Variants in SHE observed in about 807,000 individuals in gnomAD.
SHE encodes the protein SH2 domain-containing adapter protein E.
In SHE, 11 loss-of-function variants were observed where a neutral mutation model predicts 49.8. The ratio of observed to expected loss-of-function variants is 0.22; its 90% CI spans 0.14 to 0.37. The LOEUF is 0.37. Ranked by LOEUF, SHE falls within the 10% of genes least tolerant of loss-of-function variation. The probability of loss-of-function intolerance (pLI) is 1.00; values close to 1 mark genes in which losing one functional copy is unlikely to be tolerated. For missense variants in SHE, 624 were observed against 655.5 expected (o/e 0.95, Z 0.52); for synonymous variants, 310 against 278.1 (o/e 1.11, Z -1.14).
chr1:154,478,700 T>A (rs971987526), downstream of SHE, among the ~76,000 whole-genome samples: 6 of 152,168 alleles, frequency 3.9e-5, no homozygotes, highest in Non-Finnish European at 7.3e-5. Context: ...GAATCCAACA[T>A]TCAACACTCA....
chr1:154,496,501 C>A (rs796100329), intron 2 of SHE, among the ~76,000 whole-genome samples: 10 of 152,284 alleles, frequency 6.6e-5, no homozygotes, highest in African/African-American at 2.4e-4. Context: ...GGAAAGGTGC[C>A]TCACTTACGG....
At chr1:154,477,182 C>T (rs1295223085), downstream of SHE, among the ~76,000 whole-genome samples, 8 of 152,288 alleles carry the variant, frequency 5.3e-5, 1 homozygote, top group Admixed American at 3.9e-4. Flanking sequence ...AGATGGATAC[C>T]GAAAACCCAA....
chr1:154,493,311 A>C (rs1692424141), intron 2 of SHE, among the ~76,000 whole-genome samples: 1 of 152,158 alleles, frequency 6.6e-6, no homozygotes, highest in Non-Finnish European at 1.5e-5. Context: ...CCATTCCAAC[A>C]CCTGGCTGCC....
In SHE at chr1:154,483,381, T is replaced by C; in HGVS notation, c.*768A>G. 1.0e-6 allele frequency: 1 copy of C among 985,396 alleles called. No individual in the cohort carries two copies. The highest frequency in any genetic ancestry group is 1.2e-6 in the Non-Finnish European group (1 of 829,942). The allele number at this position is 985,396 out of a possible 1,614,324, so 61.0% of individuals were successfully genotyped here. A position where few individuals can be genotyped will look rare whatever the true frequency, so the allele number is the denominator to read the frequency against. ...ACCTTCTTGCCCGTCATTCACATTTTCTCCCGCTCATTCATTTCCCCAATA... is the reference window on the plus strand; with the variant it reads ...ACCTTCTTGCCCGTCATTCACATTTCCTCCCGCTCATTCATTTCCCCAATA... On this transcript the variant is annotated 3_prime_UTR_variant, in exon 6 of 6. Coordinates refer to ENST00000304760, the MANE Select transcript of SHE (RefSeq NM_001010846.3).
At chr1:154,478,581 G>C (rs1391968923), downstream of SHE, among the ~76,000 whole-genome samples, 1 of 152,052 alleles carries the variant, frequency 6.6e-6, no homozygotes, top group African/African-American at 2.4e-5. Flanking sequence ...GCTGAGTTGT[G>C]GCAGATTAAA....
In SHE at chr1:154,482,724, G is replaced by T; in HGVS notation, c.*1425C>A. The T allele has an allele frequency of 1.0e-6, 1 of 985,280 alleles. No individual in the cohort carries two copies. The highest frequency in any genetic ancestry group is 1.2e-6 in the Non-Finnish European group (1 of 829,906). The allele number at this position is 985,280 out of a possible 1,614,324, so 61.0% of individuals were successfully genotyped here. A position where few individuals can be genotyped will look rare whatever the true frequency, so the allele number is the denominator to read the frequency against. Reference sequence around the variant, plus strand: ...CACAGTAAATAAACTGGTGATATAAGCTCATGATAAATCATAAAGATCCTA... The same window carrying T: ...CACAGTAAATAAACTGGTGATATAATCTCATGATAAATCATAAAGATCCTA... On this transcript the variant is annotated 3_prime_UTR_variant, in exon 6 of 6. Coordinates refer to ENST00000304760, the MANE Select transcript of SHE (RefSeq NM_001010846.3).
downstream of SHE, among the ~76,000 whole-genome samples, chr1:154,476,254 G>A (rs1691873280): frequency 6.6e-6 from 1 of 152,174 alleles, no homozygotes; most frequent in African/African-American, 2.4e-5. Flanking sequence ...GTTGAGGTGG[G>A]AGAATTGCTT....
At chr1:154,491,712 G>A (rs577195926) in intron 2 of SHE, among the ~76,000 whole-genome samples, 2 of 152,200 alleles carry the variant, frequency 1.3e-5, no homozygotes, top group African/African-American at 4.8e-5. Context: ...AGAGAGGGAG[G>A]GGAGGGAACT....
intron 1 of SHE, among the ~76,000 whole-genome samples, chr1:154,500,232 A>C (rs1383104949): frequency 6.6e-6 from 1 of 152,168 alleles, no homozygotes; most frequent in Non-Finnish European, 1.5e-5. Context: ...ATTTTTCTTG[A>C]CTACCCACCA....
chr1:154,493,850 G>A (rs562830675), intron 2 of SHE, among the ~76,000 whole-genome samples: 63 of 152,018 alleles, frequency 4.1e-4, no homozygotes, highest in African/African-American at 1.5e-3. Flanking sequence ...CCTGCTAGGT[G>A]TATTATGCCC....
chr1:154,502,277 G>C lies in SHE; in HGVS notation c.-251C>G, dbSNP rs957237838. On this transcript the variant is annotated 5_prime_UTR_variant, in exon 1 of 6. Coordinates refer to ENST00000304760, the MANE Select transcript of SHE (RefSeq NM_001010846.3). ...GGCTCTCGGAGGCGGCGGGCGCCGG[G>C]GGCTTCCCCCTGCTCTTTCCTCCTG... 6.0e-5 allele frequency: 13 copies of C among 215,312 alleles called. No individual in the cohort carries two copies. Among genetic ancestry groups the C allele is most frequent in the Non-Finnish European group, 9.0e-5 (10 of 110,982 alleles). The allele number at this position is 215,312 out of a possible 1,614,324, so 13.3% of individuals were successfully genotyped here. A position where few individuals can be genotyped will look rare whatever the true frequency, so the allele number is the denominator to read the frequency against.
chr1:154,494,144 G>A (rs896000951), intron 2 of SHE, among the ~76,000 whole-genome samples: 9 of 152,144 alleles, frequency 5.9e-5, no homozygotes, highest in Admixed American at 5.9e-4. Context: ...AAACAGGGCT[G>A]CCCGACAATT....
chr1:154,485,679 G>C, intron 5 of SHE: 1 of 358,200 alleles, frequency 2.8e-6, no homozygotes, highest in African/African-American at 2.0e-5. Flanking sequence ...TCCAGATTAG[G>C]TAATGTAAGG....
At chr1:154,497,523 G>T (rs954005466) in intron 2 of SHE, among the ~76,000 whole-genome samples, 4 of 152,218 alleles carry the variant, frequency 2.6e-5, no homozygotes, top group Admixed American at 6.5e-5. Flanking sequence ...CAACTTAAGA[G>T]AATTATGACT....
chr1:154,470,285 T>G lies in SHE; in HGVS notation c.*56A>C, dbSNP rs374583422. ...AGGACGTGGAGGGAGCTGCCTCCCT[T>G]TCTTCATGGCATTGCTGTTAGGATG... On this transcript the variant is annotated 3_prime_UTR_variant, in exon 2 of 2. Coordinates refer to the SHE transcript ENST00000486773. 140 of 1,287,266 alleles carry G rather than the reference T, an allele frequency of 1.1e-4. No homozygotes were observed. The East Asian group carries it at 6.4e-3, about 59-fold the overall frequency. The allele number at this position is 1,287,266 out of a possible 1,614,324, so 79.7% of individuals were successfully genotyped here. A position where few individuals can be genotyped will look rare whatever the true frequency, so the allele number is the denominator to read the frequency against.
chr1:154,470,584 AATCCTAGC>A (rs1356455488), intron 1 of SHE, among the ~76,000 whole-genome samples: 7 of 152,182 alleles, frequency 4.6e-5, no homozygotes, highest in African/African-American at 1.7e-4. Flanking sequence ...TCACTCCTAT[AATCCTAGC>A]ACTTTGGGAG....
Position 154,481,224 on chromosome 1 carries a change from C to T in SHE, c.*2925G>A. 1 of 985,440 alleles carries T rather than the reference C, an allele frequency of 1.0e-6. No homozygotes were observed. 61.0% of individuals were successfully genotyped at this position (985,440 alleles called of 1,614,324 possible). On this transcript the variant is annotated 3_prime_UTR_variant, in exon 6 of 6. Coordinates refer to ENST00000304760, the MANE Select transcript of SHE (RefSeq NM_001010846.3). ...GAACATATGGAACTTTGTGCCACCA[C>T]ACAGCTGTGAACTCCCTGGCTTTTG...
At chr1:154,497,669 A>G (rs1296035892) in intron 2 of SHE, among the ~76,000 whole-genome samples, 1 of 152,020 alleles carries the variant, frequency 6.6e-6, no homozygotes. Context: ...TTACACAGCA[A>G]TGATTTTTTT....
chr1:154,496,292 T>C (rs1692528575), intron 2 of SHE, among the ~76,000 whole-genome samples: 1 of 152,356 alleles, frequency 6.6e-6, no homozygotes, highest in East Asian at 1.9e-4. Context: ...AGTTAGTAAT[T>C]TGGATTTTTA....
Sources: gnomAD v4.1 joint callset for allele counts (sites outside exome capture counted in the v4.1 genomes callset) on GRCh38, gnomAD v4.1.1 for gene constraint, MANE v1.5 for transcripts, NCBI Gene and HGNC (gene_info 2026-07-23, HGNC 2026-07-21) for gene names.